The following TBX20 variants were observed in gnomAD, a reference collection of about 807,000 sequenced individuals.
TBX20 encodes T-box transcription factor TBX20.
In TBX20, 8 loss-of-function variants were observed where a neutral mutation model predicts 42.9. The ratio of observed to expected loss-of-function variants is 0.19; its 90% CI spans 0.11 to 0.34. TBX20 has a LOEUF of 0.34. Ranked by LOEUF, TBX20 falls within the 10% of genes least tolerant of loss-of-function variation. The probability of loss-of-function intolerance (pLI) is 1.00; values close to 1 mark genes in which losing one functional copy is unlikely to be tolerated. For synonymous variants in TBX20, 198 were observed against 222.8 expected (o/e 0.89, Z 0.99); for missense variants, 411 against 566.0 (o/e 0.73, Z 2.78).
At chr7:35,231,266 A>G (rs1789861042) in intron 6 of TBX20, among the ~76,000 whole-genome samples, 1 of 152,354 alleles carries the variant, frequency 6.6e-6, no homozygotes. Flanking sequence ...TTTTTATAGT[A>G]GAATAAATGT....
At chr7:35,238,841 A>T (rs1790017715) in intron 5 of TBX20, among the ~76,000 whole-genome samples, 3 of 147,974 alleles carry the variant, frequency 2.0e-5, no homozygotes. Flanking sequence ...GATGATCGGC[A>T]TGATAACAAT....
rs772194085 is a variant in TBX20, at chr7:35,253,597, C to G, written c.24G>C (p.Lys8Asn). MEFTASPKPQLSSRANAF... is the reference protein window; with the variant it reads MEFTASPNPQLSSRANAF... ...CGTTGGCCCGAGAGGAGAGTTGGGGCTTGGGGGACGCCGTGAACTCCATGG... is the reference window on the plus strand; with the variant it reads ...CGTTGGCCCGAGAGGAGAGTTGGGGGTTGGGGGACGCCGTGAACTCCATGG... Residue 8 changes from lysine (K) to asparagine (N), a missense_variant, in exon 1 of 8, where the codon AAG becomes AAC. This residue lies in a region of TBX20 where 114 missense variants were observed against 128.0 expected (regional missense o/e 0.89). Transcript: ENST00000408931. The G allele has an allele frequency of 6.2e-7, 1 of 1,612,100 alleles. No individual in the cohort carries two copies. Among genetic ancestry groups the G allele is most frequent in the African/African-American group, 1.3e-5 (1 of 75,018 alleles).
intron 4 of TBX20, among the ~76,000 whole-genome samples, chr7:35,243,972 C>A (rs10254475): frequency 0.36 from 55,474 of 152,014 alleles, 10,478 homozygotes; most frequent in Admixed American, 0.46. Context: ...CTTATTATCT[C>A]CTTATGACCA....
intron 1 of TBX20, among the ~76,000 whole-genome samples, chr7:35,251,092 A>G (rs925888261): frequency 6.6e-6 from 1 of 152,180 alleles, no homozygotes; most frequent in African/African-American, 2.4e-5. Context: ...CTATGAACCA[A>G]ACATTCTCCC....
chr7:35,210,282 T>C (rs1789473256), intron 6 of TBX20, among the ~76,000 whole-genome samples: 1 of 151,224 alleles, frequency 6.6e-6, no homozygotes, highest in South Asian at 2.1e-4. Flanking sequence ...GCCTGGCTAA[T>C]TTTTTTGTAT....
intron 3 of TBX20, among the ~76,000 whole-genome samples, chr7:35,246,782 AG>A (rs1445301406): frequency 7.2e-5 from 11 of 152,178 alleles, no homozygotes; most frequent in Non-Finnish European, 1.0e-4. Context: ...TTATGGAGAT[AG>A]ATAAGTAGCA....
intron 4 of TBX20, among the ~76,000 whole-genome samples, chr7:35,242,504 G>GA (rs768186523): frequency 7.3e-5 from 11 of 151,298 alleles, no homozygotes; most frequent in Non-Finnish European, 1.5e-4. Context: ...ACTAATATAA[G>GA]AAAAAAAAAT....
At chr7:35,234,988 AAG>A (rs1402511352) in intron 5 of TBX20, among the ~76,000 whole-genome samples, 2 of 152,188 alleles carry the variant, frequency 1.3e-5, no homozygotes, top group Non-Finnish European at 2.9e-5. Flanking sequence ...TGTCCACAAT[AAG>A]AACCCCACAA....
intron 6 of TBX20, among the ~76,000 whole-genome samples, chr7:35,222,214 AAATAAG>A (rs1442820824): frequency 2.0e-5 from 3 of 152,198 alleles, no homozygotes; most frequent in African/African-American, 4.8e-5. Context: ...CTCATCTACA[AAATAAG>A]AATAAGTTTC....
intron 5 of TBX20, among the ~76,000 whole-genome samples, chr7:35,238,276 C>T (rs1430628010): frequency 1.3e-5 from 2 of 152,094 alleles, no homozygotes; most frequent in East Asian, 3.8e-4. Flanking sequence ...CCAACACTTA[C>T]GCAGTCTTGG....
intron 5 of TBX20, among the ~76,000 whole-genome samples, chr7:35,239,658 C>T (rs1790036032): frequency 6.6e-6 from 1 of 152,230 alleles, no homozygotes; most frequent in African/African-American, 2.4e-5. Context: ...AAGTGTCTAT[C>T]AGTACATGGC....
At chr7:35,232,944 C>A (rs1159384776) in intron 5 of TBX20, among the ~76,000 whole-genome samples, 3 of 152,094 alleles carry the variant, frequency 2.0e-5, no homozygotes, top group Non-Finnish European at 4.4e-5. Flanking sequence ...CACCTGAACC[C>A]GGGAGGCAGA....
At chr7:35,240,837 CCTT>C in intron 5 of TBX20, 39 bp downstream of exon 5, 2 of 1,580,924 alleles carry the variant, frequency 1.3e-6, no homozygotes, top group Non-Finnish European at 1.7e-6. Flanking sequence ...CCTCCTAAAT[CCTT>C]CTCTTATGCA....
intron 6 of TBX20, among the ~76,000 whole-genome samples, chr7:35,208,113 C>A (rs1458956130): frequency 6.6e-6 from 1 of 152,170 alleles, no homozygotes; most frequent in Non-Finnish European, 1.5e-5. Context: ...TTTCTCTCAA[C>A]AATGTTTTTG....
At chr7:35,246,578 C>T (rs1348864307) in intron 3 of TBX20, among the ~76,000 whole-genome samples, 1 of 152,004 alleles carries the variant, frequency 6.6e-6, no homozygotes, top group African/African-American at 2.4e-5. Context: ...GAAAAGGTAA[C>T]ATTATTTTAG....
intron 1 of TBX20, among the ~76,000 whole-genome samples, chr7:35,251,936 T>A (rs1032658189): frequency 2.6e-5 from 4 of 152,176 alleles, no homozygotes; most frequent in Non-Finnish European, 5.9e-5. Flanking sequence ...GAGAGGGACA[T>A]GCATTTTATA....
intron 6 of TBX20, among the ~76,000 whole-genome samples, chr7:35,224,344 T>C (rs1789734236): frequency 6.6e-6 from 1 of 152,224 alleles, no homozygotes; most frequent in African/African-American, 2.4e-5. Flanking sequence ...ATATAAGTAG[T>C]TTAAATCCAG....
rs530235257 is a variant in TBX20 at position 35,207,300 on chromosome 7, A to G, written c.891-2718T>C. 1.2e-3 allele frequency among the ~76,000 whole-genome samples: 185 copies of G among 152,242 alleles called. 1 individual carries two copies. The highest frequency in any genetic ancestry group is 4.4e-3 in the African/African-American group (182 of 41,550). On this transcript the variant is annotated intron_variant, in intron 6 of 7. Transcript: ENST00000408931. ...TCTTTTTCTGTGCTTATTTGCTTCCATATTTCTAGCTGTTAATAATCTGTT... is the reference window on the plus strand; with the variant it reads ...TCTTTTTCTGTGCTTATTTGCTTCCGTATTTCTAGCTGTTAATAATCTGTT...
chr7:35,248,965 C>T, intron 2 of TBX20, 124 bp from the exon 3 acceptor site: 1 of 1,089,776 alleles, frequency 9.2e-7, no homozygotes, highest in South Asian at 1.3e-5. Flanking sequence ...TCTATCCGGT[C>T]CACAAACCCC....
Sources: gnomAD v4.1 joint callset for allele counts (sites outside exome capture counted in the v4.1 genomes callset) on GRCh38, gnomAD v4.1.1 for gene constraint, gnomAD v4.1.1 regional missense constraint, MANE v1.5 for transcripts, NCBI Gene and HGNC (gene_info 2026-07-23, HGNC 2026-07-21) for gene names.